Variants in GRIP1 observed in about 807,000 individuals in gnomAD.
GRIP1 encodes glutamate receptor interacting protein 1.
A neutral mutation model predicts 129.9 loss-of-function variants in GRIP1; 45 were observed. That is an observed-to-expected ratio of 0.35 (90% CI 0.27 to 0.44). GRIP1 has a LOEUF of 0.44. Among genes scored for constraint, GRIP1 ranks in the 20% least tolerant of loss-of-function variants. The pLI, the probability that GRIP1 is intolerant of heterozygous loss-of-function variation, is 1.00. For synonymous variants in GRIP1, 530 were observed against 520.8 expected, an observed-to-expected ratio of 1.02 and a Z score of -0.24; for missense variants, 1,196 against 1,396.8, an observed-to-expected ratio of 0.86 and a Z score of 2.29.
intron 1 of GRIP1, among the ~76,000 whole-genome samples, chr12:66,890,522 G>A (rs1566066691): frequency 1.3e-5 from 2 of 152,208 alleles, no homozygotes; most frequent in Non-Finnish European, 2.9e-5. Context: ...GCTGAGTAAT[G>A]CTGTTAAAGA....
intron 1 of GRIP1, among the ~76,000 whole-genome samples, chr12:66,986,717 T>C (rs1427880227): frequency 4.2e-5 from 6 of 141,876 alleles, no homozygotes; most frequent in Admixed American, 4.2e-4. Context: ...TTAGGAGATA[T>C]ACCTAATGCT....
intron 1 of GRIP1, among the ~76,000 whole-genome samples, chr12:66,660,955 A>G (rs1331673910): frequency 6.6e-6 from 1 of 152,058 alleles, no homozygotes; most frequent in African/African-American, 2.4e-5. Flanking sequence ...TTATACAAAT[A>G]TATCATCTTA....
intron 1 of GRIP1, among the ~76,000 whole-genome samples, chr12:66,599,548 A>G (rs1037991790): frequency 6.6e-6 from 1 of 152,194 alleles, no homozygotes; most frequent in African/African-American, 2.4e-5. Flanking sequence ...TCTTGACGTG[A>G]TTTACTGAAA....
intron 1 of GRIP1, among the ~76,000 whole-genome samples, chr12:66,943,929 G>C (rs1566088810): frequency 1.3e-5 from 2 of 152,172 alleles, no homozygotes; most frequent in Non-Finnish European, 2.9e-5. Flanking sequence ...ATTTTCTTAA[G>C]ATTCACTTGA....
intron 1 of GRIP1, among the ~76,000 whole-genome samples, chr12:66,893,208 C>T (rs539731108): frequency 1.1e-4 from 17 of 152,012 alleles, no homozygotes; most frequent in African/African-American, 2.7e-4. Context: ...GCATAATGTC[C>T]TTGAGATCCA....
At chr12:66,600,778 T>G (rs1293200824) in intron 1 of GRIP1, among the ~76,000 whole-genome samples, 1 of 152,212 alleles carries the variant, frequency 6.6e-6, no homozygotes, top group Non-Finnish European at 1.5e-5. Flanking sequence ...CAGCCCAGAC[T>G]TCGATGATCA....
rs537214236 is a variant in GRIP1 at position 66,925,738 on chromosome 12, C to T, written c.58+143312G>A. Among the ~76,000 whole-genome samples, 9 of 152,186 alleles carry T rather than the reference C, an allele frequency of 5.9e-5. No homozygotes were observed. The South Asian group carries it at 8.3e-4, about 14-fold the overall frequency. ...TGGCTCACTGCAACCTCCACCTCCC[C>T]GGTTCAAGGGATTCTCCTACCTCAG... On this transcript the variant is annotated intron_variant, in intron 1 of 1. Coordinates refer to the GRIP1 transcript ENST00000643019.
At chr12:66,956,592 G>A (rs1316872947) in intron 1 of GRIP1, among the ~76,000 whole-genome samples, 1 of 152,186 alleles carries the variant, frequency 6.6e-6, no homozygotes, top group Non-Finnish European at 1.5e-5. Context: ...AGATGTTAAA[G>A]CCACCACACA....
intron 1 of GRIP1, among the ~76,000 whole-genome samples, chr12:66,715,009 C>T (rs2035832162): frequency 6.6e-6 from 1 of 151,996 alleles, no homozygotes; most frequent in South Asian, 2.1e-4. Flanking sequence ...AATTGTACTC[C>T]ATAACACTCT....
At chr12:66,932,145 C>A (rs2041406463) in intron 1 of GRIP1, among the ~76,000 whole-genome samples, 1 of 102,404 alleles carries the variant, frequency 9.8e-6, no homozygotes, top group Non-Finnish European at 2.5e-5. Context: ...GGCTCCTGGC[C>A]ACCAATATAA....
chr12:66,863,355 T>A (rs1370331153), intron 1 of GRIP1, among the ~76,000 whole-genome samples: 1 of 152,142 alleles, frequency 6.6e-6, no homozygotes, highest in Non-Finnish European at 1.5e-5. Flanking sequence ...TCTAATAGGG[T>A]AAGACAGGCA....
At chr12:66,379,191 T>C (rs1186711426) in intron 20 of GRIP1, 89 bp downstream of exon 20, 1 of 1,286,178 alleles carries the variant, frequency 7.8e-7, no homozygotes, top group Non-Finnish European at 1.1e-6. Context: ...ATACTAACAA[T>C]ATGTGCTACT....
intron 1 of GRIP1, among the ~76,000 whole-genome samples, chr12:66,747,737 C>G (rs1249950695): frequency 2.0e-5 from 3 of 151,986 alleles, no homozygotes; most frequent in East Asian, 3.9e-4. Context: ...TTTAATAATA[C>G]CAACATTTTT....
At chr12:66,933,061 T>C (rs1331685535) in intron 1 of GRIP1, among the ~76,000 whole-genome samples, 1 of 152,234 alleles carries the variant, frequency 6.6e-6, no homozygotes, top group Non-Finnish European at 1.5e-5. Flanking sequence ...CTTTCATATG[T>C]GTAATATCTT....
chr12:66,977,550 G>C (rs1446095140), intron 1 of GRIP1, among the ~76,000 whole-genome samples: 1 of 151,960 alleles, frequency 6.6e-6, no homozygotes, highest in Non-Finnish European at 1.5e-5. Flanking sequence ...CAGACCCCAT[G>C]GTGCCCCTTC....
At chr12:66,890,943 A>G (rs766873969) in intron 1 of GRIP1, among the ~76,000 whole-genome samples, 9 of 152,234 alleles carry the variant, frequency 5.9e-5, no homozygotes, top group Admixed American at 2.0e-4. Flanking sequence ...CAGAGACTTA[A>G]CATCACAGAG....
chr12:66,544,295 C>T (rs1464538821), intron 2 of GRIP1, among the ~76,000 whole-genome samples: 1 of 152,020 alleles, frequency 6.6e-6, no homozygotes, highest in Non-Finnish European at 1.5e-5. Context: ...GTAATTTGTG[C>T]ATTCATTGAT....
intron 7 of GRIP1, among the ~76,000 whole-genome samples, chr12:66,476,135 G>T (rs1046450594): frequency 2.0e-5 from 3 of 151,836 alleles, no homozygotes; most frequent in Non-Finnish European, 4.4e-5. Context: ...GACTAATAAA[G>T]AAAAGAGGGA....
chr12:66,357,896 T>C (rs765290881), intron 23 of GRIP1, among the ~76,000 whole-genome samples: 4 of 152,110 alleles, frequency 2.6e-5, no homozygotes, highest in Non-Finnish European at 4.4e-5. Flanking sequence ...TTCAATGCAT[T>C]TTTTGTTTGT....
Sources: allele counts gnomAD v4.1 joint callset (sites outside exome capture counted in the v4.1 genomes callset), GRCh38; gene constraint gnomAD v4.1.1; transcripts MANE v1.5; gene names NCBI Gene and HGNC (gene_info 2026-07-23, HGNC 2026-07-21).